The following ZFPM1 variants were observed in gnomAD, a reference collection of about 807,000 sequenced individuals.
ZFPM1 encodes zinc finger protein, FOG family member 1, also known as zinc finger protein ZFPM1.
Under a neutral mutation model 46.3 loss-of-function variants are expected in ZFPM1, and 28 were observed. The ratio of observed to expected loss-of-function variants is 0.60; its 90% CI spans 0.45 to 0.83. The LOEUF is 0.83. Among genes scored for constraint, ZFPM1 ranks in the 40% least tolerant of loss-of-function variants. ZFPM1 has a pLI of 0.00. For synonymous variants in ZFPM1, 957 were observed against 675.9 expected (o/e 1.42, Z -6.45); for missense variants, 1,878 against 1,432.4 (o/e 1.31, Z -5.02).
chr16:88,470,912 G>A (rs1908384853), intron 1 of ZFPM1, among the ~76,000 whole-genome samples: 1 of 152,104 alleles, frequency 6.6e-6, no homozygotes. Flanking sequence ...CGCACAGTGG[G>A]AGCTCCGAGC....
intron 1 of ZFPM1, among the ~76,000 whole-genome samples, chr16:88,462,646 T>C (rs925448835): frequency 2.6e-5 from 4 of 152,210 alleles, no homozygotes; most frequent in African/African-American, 9.6e-5. Context: ...GGAGCTTCCC[T>C]GTGGGCCGCC....
At chr16:88,499,226 G>A (rs9939277) in intron 3 of ZFPM1, among the ~76,000 whole-genome samples, 26,832 of 152,174 alleles carry the variant, frequency 0.18, 2,605 homozygotes, top group East Asian at 0.24. Context: ...CCTCCACCCC[G>A]GGAAAGTCAC....
At chr16:88,475,518 G>GT (rs556395520) in intron 1 of ZFPM1, among the ~76,000 whole-genome samples, 18 of 151,928 alleles carry the variant, frequency 1.2e-4, no homozygotes, top group East Asian at 5.9e-4. Flanking sequence ...GGGTCCGGGG[G>GT]GGGGAGCACA....
intron 1 of ZFPM1, among the ~76,000 whole-genome samples, chr16:88,477,644 G>A (rs1251737217): frequency 1.3e-5 from 2 of 152,198 alleles, no homozygotes; most frequent in Admixed American, 6.5e-5. Context: ...ACAGTGAACC[G>A]TGATTGCACA....
intron 3 of ZFPM1, among the ~76,000 whole-genome samples, chr16:88,492,057 C>G (rs1236076946): frequency 3.3e-5 from 5 of 152,180 alleles, no homozygotes; most frequent in Non-Finnish European, 7.4e-5. Context: ...CAGACCCTCT[C>G]TCTGATGCTC....
At chr16:88,531,353 C>T (rs1319007573) in intron 6 of ZFPM1, among the ~76,000 whole-genome samples, 1 of 152,188 alleles carries the variant, frequency 6.6e-6, no homozygotes. Flanking sequence ...GCCCCCAAAA[C>T]TCTCAACAGT....
intron 1 of ZFPM1, among the ~76,000 whole-genome samples, chr16:88,470,160 A>G (rs1003816280): frequency 9.2e-5 from 14 of 152,296 alleles, no homozygotes; most frequent in Non-Finnish European, 1.5e-4. Context: ...CCTCCCGTGT[A>G]GGAGCATCGC....
At chr16:88,460,837 C>T (rs1212569870) in intron 1 of ZFPM1, among the ~76,000 whole-genome samples, 2 of 151,514 alleles carry the variant, frequency 1.3e-5, no homozygotes, top group African/African-American at 2.4e-5. Flanking sequence ...CTCCTACTCC[C>T]GTGGGCCTCG....
chr16:88,461,283 G>A (rs140500028), intron 1 of ZFPM1, among the ~76,000 whole-genome samples: 5,215 of 151,892 alleles, frequency 0.034, 152 homozygotes, highest in Non-Finnish European at 0.05. Flanking sequence ...GCGAGGCCTG[G>A]TGAGGACCAG....
chr16:88,498,218 G>A lies in ZFPM1; in HGVS notation c.268+9065G>A, dbSNP rs369724606. ...GTCCCCAGAGGGAGCCTCAGACCCC[G>A]CCCCACTTCACAGCTGGGCAGAGGG... is the stretch of plus-strand genomic sequence containing the variant. On this transcript the variant is annotated intron_variant, in intron 3 of 9. Transcript: ENST00000319555. Among the ~76,000 whole-genome samples the A allele has an allele frequency of 4.0e-3, 607 of 152,018 alleles. 7 individuals are homozygous for A. The highest frequency in any genetic ancestry group is 0.014 in the African/African-American group (579 of 41,454).
chr16:88,463,825 T>C (rs1014951628), intron 1 of ZFPM1, among the ~76,000 whole-genome samples: 3 of 152,240 alleles, frequency 2.0e-5, no homozygotes, highest in African/African-American at 7.2e-5. Context: ...GATCCAGCTC[T>C]GGCCTCAAAA....
chr16:88,532,330 A>C, intron 7 of ZFPM1, 95 bp downstream of exon 7: 2 of 1,225,174 alleles, frequency 1.6e-6, no homozygotes, highest in Non-Finnish European at 2.3e-6. Context: ...GCAAGCACAC[A>C]CGGTGCCACC....
chr16:88,526,697 G>C, intron 4 of ZFPM1, 117 bp from the exon 5 acceptor site: 1 of 1,137,944 alleles, frequency 8.8e-7, no homozygotes. Flanking sequence ...CCACAGCTTG[G>C]CCTACCAGCC....
Position 88,485,811 on chromosome 16 carries a change from TGA to T in ZFPM1, c.41-127_41-126del, listed in dbSNP as rs1391900266. The T allele has an allele frequency of 5.3e-6, 4 of 755,060 alleles. No individual in the cohort carries two copies. The Admixed American group carries it at 7.5e-5, about 14-fold the overall frequency. 46.8% of individuals were successfully genotyped at this position (755,060 alleles called of 1,614,324 possible). On this transcript the variant is annotated intron_variant, in intron 1 of 9. Transcript: ENST00000319555. ...TGTCCTTTGACCTCAGGGTGAGGGA[TGA>T]CCCTCACCCCCACCCATTGCCATTT...
At chr16:88,484,380 G>A (rs1425647616) in intron 1 of ZFPM1, among the ~76,000 whole-genome samples, 7 of 152,216 alleles carry the variant, frequency 4.6e-5, no homozygotes, top group South Asian at 2.1e-4. Flanking sequence ...AGCCTGCAAC[G>A]CTCAGGCCTT....
chr16:88,460,258 G>A (rs1907757195), intron 1 of ZFPM1, among the ~76,000 whole-genome samples: 1 of 152,174 alleles, frequency 6.6e-6, no homozygotes, highest in Non-Finnish European at 1.5e-5. Flanking sequence ...GTTTATCGAG[G>A]GTCCCCAGCC....
In ZFPM1 at chr16:88,535,230, C is replaced by T. The variant is rs534487965; in HGVS notation, c.*251C>T. On this transcript the variant is annotated 3_prime_UTR_variant, in exon 10 of 10. Transcript: ENST00000319555. Reference sequence around the variant, plus strand: ...CACGCAGCCAGTGTCACATCCAGCCCTGCTGTGTACACAGGCCACTGCGGC... The same window carrying T: ...CACGCAGCCAGTGTCACATCCAGCCTTGCTGTGTACACAGGCCACTGCGGC... 5.6e-6 allele frequency: 2 copies of T among 358,128 alleles called. No individual in the cohort carries two copies. The highest frequency in any genetic ancestry group is 9.1e-5 in the South Asian group (1 of 11,002). 22.2% of individuals were successfully genotyped at this position (358,128 alleles called of 1,614,324 possible). A position where few individuals can be genotyped will look rare whatever the true frequency, so the allele number is the denominator to read the frequency against.
intron 3 of ZFPM1, among the ~76,000 whole-genome samples, chr16:88,500,929 C>A (rs921660264): frequency 6.6e-6 from 1 of 152,248 alleles, no homozygotes; most frequent in Admixed American, 6.5e-5. Context: ...GTACAGCGGG[C>A]CCTCCCTGTG....
intron 1 of ZFPM1, among the ~76,000 whole-genome samples, chr16:88,459,018 A>C (rs1907682355): frequency 6.6e-6 from 1 of 152,216 alleles, no homozygotes; most frequent in South Asian, 2.1e-4. Flanking sequence ...GGCCTTATGG[A>C]CCAGGGGAGA....
Sources: gnomAD v4.1 joint callset for allele counts (sites outside exome capture counted in the v4.1 genomes callset) on GRCh38, gnomAD v4.1.1 for gene constraint, MANE v1.5 for transcripts, NCBI Gene and HGNC (gene_info 2026-07-23, HGNC 2026-07-21) for gene names.